RTL9: variants seen among roughly 807,000 people sequenced by gnomAD.
The protein encoded by RTL9 is retrotransposon Gag like 9, also known as retrotransposon Gag-like protein 9.
RTL9 carries 19 observed loss-of-function variants against 44.7 expected under a neutral mutation model. The observed-to-expected ratio is 0.42, with a 90% confidence interval of 0.30 to 0.62. RTL9 has a LOEUF of 0.62. RTL9 is among the 20% of genes least tolerant of loss of function. The probability of loss-of-function intolerance (pLI) is 0.16; values close to 1 mark genes in which losing one functional copy is unlikely to be tolerated. For missense variants in RTL9, 1,105 were observed against 1,080.6 expected (o/e 1.02, Z -0.32); for synonymous variants, 407 against 398.9 (o/e 1.02, Z -0.24).
rs760951954 is a variant in RTL9 at position 110,360,678 on chromosome X, A to C, written c.-168+1762A>C. Among the ~76,000 whole-genome samples the C allele has an allele frequency of 1.1e-4, 12 of 111,792 alleles. No individual in the cohort carries two copies. In the South Asian group the frequency reaches 4.6e-3, roughly 43 times the overall value. ...AAGATAGAGAGCCCAGGAGAAGTAGAAAGATTTTTTTGGAGGGGAAGGACA... is the reference window on the plus strand; with the variant it reads ...AAGATAGAGAGCCCAGGAGAAGTAGCAAGATTTTTTTGGAGGGGAAGGACA... On this transcript the variant is annotated intron_variant, in intron 1 of 2. Coordinates refer to the RTL9 transcript ENST00000520821.
chrX:110,402,551 G>A (rs777281693), intron 1 of RTL9, among the ~76,000 whole-genome samples: 10 of 112,514 alleles, frequency 8.9e-5, no homozygotes, highest in Non-Finnish European at 3.8e-5. Context: ...CTGTGTCCCC[G>A]GCTCCATTTT....
Position 110,408,567 on chromosome X carries a change from C to A in RTL9, c.-167-36586C>A, listed in dbSNP as rs552992811. ...AGCATAAAGGGTTTTGCTTCCCCTG[C>A]CCCGACCCCACAGTTTTAATCAACT... On this transcript the variant is annotated intron_variant, in intron 1 of 2. Transcript: ENST00000520821. Among the ~76,000 whole-genome samples the A allele has an allele frequency of 2.9e-4, 33 of 112,240 alleles. No individual in the cohort carries two copies. The South Asian group carries it at 0.012, about 42-fold the overall frequency.
intron 1 of RTL9, among the ~76,000 whole-genome samples, chrX:110,411,750 T>G (rs1437505128): frequency 1.8e-5 from 2 of 112,352 alleles, no homozygotes; most frequent in Admixed American, 1.9e-4. Context: ...GTGTAAGAAG[T>G]GCATTATTTT....
chrX:110,418,866 C>T (rs1256363193), upstream of RTL9, among the ~76,000 whole-genome samples: 1 of 111,764 alleles, frequency 8.9e-6, no homozygotes, highest in Non-Finnish European at 1.9e-5. Context: ...TCATCATAAA[C>T]ATGCTAAAAA....
At chrX:110,397,773 G>C (rs971181696) in intron 1 of RTL9, among the ~76,000 whole-genome samples, 1 of 112,154 alleles carries the variant, frequency 8.9e-6, no homozygotes, top group Non-Finnish European at 1.9e-5. Flanking sequence ...CCTGCTACAA[G>C]AGCAGAGATG....
At chrX:110,388,259 A>G (rs1224419131) in intron 1 of RTL9, among the ~76,000 whole-genome samples, 3 of 112,198 alleles carry the variant, frequency 2.7e-5, no homozygotes, top group Non-Finnish European at 5.6e-5. Flanking sequence ...GTGGAGCACA[A>G]TGCTTTGTAC....
At chrX:110,455,129 A>T (rs2068972922) in intron 1 of RTL9, 73 bp from the exon 4 acceptor site, 1 of 1,178,365 alleles carries the variant, frequency 8.5e-7, no homozygotes, top group East Asian at 3.0e-5. Flanking sequence ...AAGTCACAGA[A>T]CTTATCCAGG....
intron 1 of RTL9, among the ~76,000 whole-genome samples, chrX:110,438,556 A>G (rs954898436): frequency 9.0e-6 from 1 of 111,683 alleles, no homozygotes; most frequent in African/African-American, 3.3e-5. Flanking sequence ...AACTTCATGA[A>G]TTACCAAGGA....
Position 110,387,431 on chromosome X carries a change from G to T in RTL9, c.-168+28515G>T, listed in dbSNP as rs758842831. ...TTCTCTAGAAAAATCAGAAGACCTG[G>T]CTACCCTGCATTGGAACATGCATTC... On this transcript the variant is annotated intron_variant, in intron 1 of 2. Coordinates refer to the RTL9 transcript ENST00000520821. Among the ~76,000 whole-genome samples, 15 of 112,191 alleles carry T rather than the reference G, an allele frequency of 1.3e-4. No homozygotes were observed. The South Asian group carries it at 5.6e-3, about 42-fold the overall frequency.
intron 1 of RTL9, among the ~76,000 whole-genome samples, chrX:110,392,272 G>GTTTTT (rs377409601): frequency 4.7e-5 from 4 of 85,080 alleles, no homozygotes; most frequent in Middle Eastern, 5.9e-3. Flanking sequence ...TCTACCACAG[G>GTTTTT]TTTTTTTTTT....
intron 1 of RTL9, among the ~76,000 whole-genome samples, chrX:110,404,636 A>G (rs1433077410): frequency 1.8e-5 from 2 of 111,612 alleles, no homozygotes; most frequent in African/African-American, 3.3e-5. Flanking sequence ...TCAGCCTATT[A>G]TTTTTACCTT....
rs201895781 is a variant in RTL9 at position 110,406,114 on chromosome X, GTT to G, written c.-167-39028_-167-39027del. 2.7e-3 allele frequency among the ~76,000 whole-genome samples: 281 copies of G among 103,870 alleles called. 3 individuals carry two copies. Among genetic ancestry groups the G allele is most frequent in the African/African-American group, 9.6e-3 (277 of 28,811 alleles). 90.2% of individuals were successfully genotyped at this position (103,870 alleles called of 115,157 possible). A position where few individuals can be genotyped will look rare whatever the true frequency, so the allele number is the denominator to read the frequency against. On this transcript the variant is annotated intron_variant, in intron 1 of 2. Coordinates refer to the RTL9 transcript ENST00000520821. ...TCTTCAAGGAAGGTTCTGGAAAGTG[GTT>G]TTTTTTTTTTCTTCAAGTTCTGTGT...
chrX:110,390,752 C>T (rs1269892037), intron 1 of RTL9, among the ~76,000 whole-genome samples: 1 of 112,326 alleles, frequency 8.9e-6, no homozygotes, highest in East Asian at 2.8e-4. Flanking sequence ...ACAAACTTAT[C>T]AGTCATGAAG....
At chrX:110,433,482 G>A (rs1234942419) in intron 1 of RTL9, among the ~76,000 whole-genome samples, 1 of 111,619 alleles carries the variant, frequency 9.0e-6, no homozygotes, top group East Asian at 2.8e-4. Context: ...AGGAAGGGCA[G>A]GGAGATGGGG....
upstream of RTL9, chrX:110,450,554 T>G (rs2068932774): frequency 4.9e-6 from 5 of 1,013,622 alleles, 1 homozygote; most frequent in East Asian, 3.1e-5. Context: ...CTAAACTTGT[T>G]TCTTGTTTAC....
At chrX:110,412,365 G>A (rs1029068086) in intron 1 of RTL9, among the ~76,000 whole-genome samples, 11 of 112,137 alleles carry the variant, frequency 9.8e-5, no homozygotes, top group South Asian at 3.7e-4. Flanking sequence ...AAATGACCTC[G>A]GTGAAGGACT....
upstream of RTL9, among the ~76,000 whole-genome samples, chrX:110,448,834 G>T (rs1270097949): frequency 9.0e-6 from 1 of 110,937 alleles, no homozygotes; most frequent in African/African-American, 3.3e-5. Context: ...GGGCGCAAAG[G>T]ATACTCTCTC....
At chrX:110,451,058 T>C in exon 1 of RTL9, 1 of 1,211,816 alleles carries the variant, frequency 8.3e-7, no homozygotes, top group Non-Finnish European at 1.1e-6. Flanking sequence ...CAATTCCTGA[T>C]TTTGGAACGA....
At chrX:110,449,842 G>A (rs1296458997), upstream of RTL9, among the ~76,000 whole-genome samples, 1 of 112,250 alleles carries the variant, frequency 8.9e-6, no homozygotes, top group Non-Finnish European at 1.9e-5. Context: ...CCAGGAGATT[G>A]TAAGACCCAA....
Sources: allele counts gnomAD v4.1 joint callset (sites outside exome capture counted in the v4.1 genomes callset), GRCh38; gene constraint gnomAD v4.1.1; transcripts MANE v1.5; gene names NCBI Gene and HGNC (gene_info 2026-07-23, HGNC 2026-07-21).